TAMM41: variants seen among roughly 807,000 people sequenced by gnomAD.
TAMM41 encodes TAM41 mitochondrial translocator assembly and maintenance homolog, also known as phosphatidate cytidylyltransferase, mitochondrial.
TAMM41 carries 36 observed loss-of-function variants against 44.1 expected under a neutral mutation model. The ratio of observed to expected loss-of-function variants is 0.82; its 90% CI spans 0.63 to 1.08. The LOEUF is 1.08. Among genes scored for constraint, TAMM41 ranks in the 50% least tolerant of loss-of-function variants. The pLI is 0.00. For synonymous variants in TAMM41, 164 were observed against 153.1 expected, an observed-to-expected ratio of 1.07 and a Z score of -0.53; for missense variants, 417 against 404.3, an observed-to-expected ratio of 1.03 and a Z score of -0.27.
chr3:11,779,575 TTCC>T, the TAMM41 span, among the ~76,000 whole-genome samples: 1 of 152,176 alleles, frequency 6.6e-6, no homozygotes, highest in Non-Finnish European at 1.5e-5. Context: ...TCTCCGTGTT[TTCC>T]TCTGATTACC....
downstream of TAMM41, among the ~76,000 whole-genome samples, chr3:11,786,335 TG>T (rs1343104004): frequency 1.4e-5 from 2 of 147,088 alleles, no homozygotes; most frequent in Non-Finnish European, 3.0e-5. Flanking sequence ...GATGGAATCT[TG>T]CTCTGTCACT....
chr3:11,764,460 A>C, the TAMM41 span, among the ~76,000 whole-genome samples: 1 of 148,060 alleles, frequency 6.8e-6, no homozygotes, highest in South Asian at 2.1e-4. Flanking sequence ...GTAACCAGCA[A>C]GGTCCCAATG....
At chr3:11,761,333 T>C in the TAMM41 span, among the ~76,000 whole-genome samples, 1 of 152,116 alleles carries the variant, frequency 6.6e-6, no homozygotes, top group Non-Finnish European at 1.5e-5. Context: ...GAGGGCACTT[T>C]TCCCCTCTTG....
intron 3 of TAMM41, among the ~76,000 whole-genome samples, chr3:11,832,817 A>C (rs1294122666): frequency 6.6e-6 from 1 of 152,158 alleles, no homozygotes; most frequent in Non-Finnish European, 1.5e-5. Flanking sequence ...ACAGAAGCCC[A>C]GTGAAATTAG....
chr3:11,733,425 G>A, the TAMM41 span, among the ~76,000 whole-genome samples: 1 of 152,258 alleles, frequency 6.6e-6, no homozygotes, highest in Middle Eastern at 3.4e-3. Context: ...GCTAGTAACA[G>A]CTATTCATCT....
At chr3:11,809,423 A>T in intron 6 of TAMM41, 94 bp downstream of exon 6, 1 of 1,474,204 alleles carries the variant, frequency 6.8e-7, no homozygotes, top group Non-Finnish European at 9.3e-7. Context: ...CTATCTCGCT[A>T]AACAAAAAGG....
chr3:11,727,918 C>G, the TAMM41 span, among the ~76,000 whole-genome samples: 2 of 151,678 alleles, frequency 1.3e-5, no homozygotes, highest in African/African-American at 2.4e-5. Flanking sequence ...TCCTGAGTAG[C>G]TGGGATTACA....
chr3:11,743,859 T>C, the TAMM41 span, among the ~76,000 whole-genome samples: 1 of 152,110 alleles, frequency 6.6e-6, no homozygotes, highest in East Asian at 1.9e-4. Context: ...GCCTCCCTCA[T>C]GGAACTGCAG....
chr3:11,805,235 C>T (rs896954385), intron 7 of TAMM41, among the ~76,000 whole-genome samples: 2 of 151,948 alleles, frequency 1.3e-5, no homozygotes, highest in Non-Finnish European at 2.9e-5. Flanking sequence ...CCCCTGAGCT[C>T]GGGCAATCTG....
the TAMM41 span, among the ~76,000 whole-genome samples, chr3:11,754,706 CTCTT>C: frequency 4.7e-5 from 5 of 106,872 alleles, no homozygotes; most frequent in African/African-American, 1.7e-4. Flanking sequence ...TTTCTCAGAT[CTCTT>C]TTTTTTTTTT....
chr3:11,759,301 A>G, the TAMM41 span, among the ~76,000 whole-genome samples: 3 of 152,042 alleles, frequency 2.0e-5, no homozygotes, highest in Admixed American at 1.3e-4. Context: ...CGGCACATCC[A>G]TTCTTTCAGG....
chr3:11,742,061 G>T, the TAMM41 span, among the ~76,000 whole-genome samples: 10 of 150,198 alleles, frequency 6.7e-5, no homozygotes, highest in Admixed American at 4.6e-4. Context: ...AAATAAGGGG[G>T]TCTACCGTAT....
chr3:11,728,727 G>A, the TAMM41 span, among the ~76,000 whole-genome samples: 12 of 152,196 alleles, frequency 7.9e-5, no homozygotes, highest in Non-Finnish European at 1.8e-4. Context: ...CTGACAGGGA[G>A]GCCAGGCACG....
chr3:11,747,877 A>ATTTT, the TAMM41 span, among the ~76,000 whole-genome samples: 1,237 of 38,804 alleles, frequency 0.032, 10 homozygotes, highest in Admixed American at 0.065. Context: ...CTATTTATTT[A>ATTTT]TTTATTTTTT....
chr3:11,796,643 G>A lies in TAMM41; in HGVS notation c.938-6062C>T, dbSNP rs545014496. On this transcript the variant is annotated intron_variant, in intron 7 of 7. Coordinates refer to ENST00000455809, the MANE Select transcript of TAMM41 (RefSeq NM_001284401.2). ...TTTTCTCATCCTACAGATGACATAC[G>A]AGCTGGCTGAAAAACTGAACAGAGG... Among the ~76,000 whole-genome samples the A allele has an allele frequency of 2.1e-4, 32 of 152,194 alleles. 1 individual carries two copies. The highest frequency in any genetic ancestry group is 6.7e-4 in the African/African-American group (28 of 41,532).
intron 7 of TAMM41, among the ~76,000 whole-genome samples, chr3:11,802,738 A>C (rs530506088): frequency 1.1e-4 from 16 of 152,300 alleles, no homozygotes; most frequent in South Asian, 4.1e-4. Flanking sequence ...CAAGGACACA[A>C]CACCACCAAA....
chr3:11,754,705 TC>T, the TAMM41 span, among the ~76,000 whole-genome samples: 2 of 99,326 alleles, frequency 2.0e-5, no homozygotes, highest in Non-Finnish European at 4.3e-5. Context: ...ATTTCTCAGA[TC>T]TCTTTTTTTT....
At chr3:11,754,711 T>C in the TAMM41 span, among the ~76,000 whole-genome samples, 514 of 81,438 alleles carry the variant, frequency 6.3e-3, 3 homozygotes, top group Admixed American at 9.6e-3. Flanking sequence ...CAGATCTCTT[T>C]TTTTTTTTTT....
At chr3:11,845,006 G>A in intron 1 of TAMM41, 1 of 456,436 alleles carries the variant, frequency 2.2e-6, no homozygotes, top group Non-Finnish European at 4.4e-6. Context: ...AGCACTGGGG[G>A]AAGCACAGGG....
Sources: allele counts gnomAD v4.1 joint callset (sites outside exome capture counted in the v4.1 genomes callset), GRCh38; gene constraint gnomAD v4.1.1; transcripts MANE v1.5; gene names NCBI Gene and HGNC (gene_info 2026-07-23, HGNC 2026-07-21).